Variants in LAMC1 observed in about 807,000 individuals in gnomAD.
LAMC1 encodes laminin subunit gamma 1.
LAMC1 carries 38 observed loss-of-function variants against 173.6 expected under a neutral mutation model. The ratio of observed to expected loss-of-function variants is 0.22; its 90% CI spans 0.17 to 0.29. LAMC1 has a LOEUF of 0.29. Ranked by LOEUF, LAMC1 falls within the 10% of genes least tolerant of loss-of-function variation. LAMC1 has a pLI of 1.00. For missense variants in LAMC1, 1,824 were observed against 2,051.8 expected (o/e 0.89, Z 2.14); for synonymous variants, 746 against 749.1 (o/e 1.00, Z 0.07).
intron 1 of LAMC1, among the ~76,000 whole-genome samples, chr1:183,043,686 T>TA (rs1462678456): frequency 6.6e-6 from 1 of 152,196 alleles, no homozygotes; most frequent in African/African-American, 2.4e-5. Context: ...TGAATTCTGA[T>TA]AAAAAGTGAC....
rs759061054 is a variant in LAMC1, at chr1:183,116,687, T to G, written c.1427+12T>G. The G allele has an allele frequency of 6.2e-7, 1 of 1,609,768 alleles. No individual in the cohort carries two copies. The highest frequency in any genetic ancestry group is 8.5e-7 in the Non-Finnish European group (1 of 1,176,116). ...TTCAATTGTGAAAGGTAGTGCATTC[T>G]TTCTCTAGCTGCATTGTGTTTTCTG... On this transcript the variant is annotated intron_variant, in intron 7 of 27. Coordinates refer to ENST00000258341, the MANE Select transcript of LAMC1 (RefSeq NM_002293.4).
rs10797835 is a variant in LAMC1, at chr1:183,103,773, T to C, written c.723+141T>C. On this transcript the variant is annotated intron_variant, in intron 2 of 27. Transcript: ENST00000258341. ...ACTTGAGCAACACAGACAGAGAGCT[T>C]GATTCTGCTCTCTGTGTACTATTAA... 0.54 allele frequency: 324,482 copies of C among 596,938 alleles called. 90,317 individuals are homozygous for C. Among genetic ancestry groups the C allele is most frequent in the Admixed American group, 0.63 (18,247 of 29,002 alleles). 37.0% of individuals were successfully genotyped at this position (596,938 alleles called of 1,614,324 possible).
chr1:183,034,995 A>G (rs888505820), intron 1 of LAMC1, among the ~76,000 whole-genome samples: 2 of 152,134 alleles, frequency 1.3e-5, no homozygotes, highest in African/African-American at 4.8e-5. Context: ...TGTTTTTGCC[A>G]CTCTGCCATT....
At chr1:183,081,573 T>C (rs1278337454) in intron 1 of LAMC1, among the ~76,000 whole-genome samples, 3 of 150,048 alleles carry the variant, frequency 2.0e-5, no homozygotes, top group Admixed American at 6.7e-5. Context: ...AATAAATAAA[T>C]AAATAAATAA....
chr1:183,126,506 C>G (rs909401709), intron 16 of LAMC1, among the ~76,000 whole-genome samples: 1 of 152,168 alleles, frequency 6.6e-6, no homozygotes, highest in Non-Finnish European at 1.5e-5. Flanking sequence ...TTTTTCCAAT[C>G]TTTTATTTTT....
intron 1 of LAMC1, among the ~76,000 whole-genome samples, chr1:183,025,802 A>G (rs936591529): frequency 7.2e-5 from 11 of 152,252 alleles, no homozygotes. Context: ...CTGAAATTCA[A>G]TTGACAATTA....
intron 1 of LAMC1, among the ~76,000 whole-genome samples, chr1:183,073,312 C>T (rs1655056045): frequency 6.6e-6 from 1 of 152,056 alleles, no homozygotes; most frequent in African/African-American, 2.4e-5. Context: ...TGGATGTAAA[C>T]CTAGGAGAAG....
At chr1:183,137,641 A>G (rs746322609) in intron 25 of LAMC1, 28 bp from the exon 26 acceptor site, 3 of 1,496,384 alleles carry the variant, frequency 2.0e-6, no homozygotes, top group Admixed American at 2.4e-5. Context: ...GCTTTTTTAA[A>G]AAAAGTACAA....
chr1:183,101,930 C>G (rs1340802444), intron 1 of LAMC1, among the ~76,000 whole-genome samples: 5 of 152,194 alleles, frequency 3.3e-5, no homozygotes, highest in African/African-American at 1.2e-4. Context: ...AGAGAACGCT[C>G]AGTTGAAGAA....
chr1:183,135,302 C>T (rs1374446635), intron 24 of LAMC1, 146 bp downstream of exon 24: 2 of 625,376 alleles, frequency 3.2e-6, no homozygotes, highest in South Asian at 2.0e-5. Flanking sequence ...AATCCCAGAG[C>T]TCCTGTCATT....
At chr1:183,135,323 A>G (rs1031327231) in intron 24 of LAMC1, among the ~76,000 whole-genome samples, 167 bp downstream of exon 24, 10 of 152,180 alleles carry the variant, frequency 6.6e-5, no homozygotes, top group Admixed American at 1.3e-4. Context: ...TTATCCCTGC[A>G]TACTTCAGTA....
intron 22 of LAMC1, 151 bp from the exon 23 acceptor site, chr1:183,134,509 C>T: frequency 3.5e-6 from 2 of 569,352 alleles, no homozygotes; most frequent in East Asian, 5.9e-5. Context: ...TAAAGTATAT[C>T]TCATTTTTTA....
At chr1:183,068,743 C>A (rs1308134639) in intron 1 of LAMC1, among the ~76,000 whole-genome samples, 1 of 152,100 alleles carries the variant, frequency 6.6e-6, no homozygotes, top group Non-Finnish European at 1.5e-5. Context: ...GAGATTGAGA[C>A]CATCCTGGCT....
intron 1 of LAMC1, among the ~76,000 whole-genome samples, chr1:183,091,374 G>C (rs777963409): frequency 6.6e-6 from 1 of 152,058 alleles, no homozygotes; most frequent in Admixed American, 6.6e-5. Flanking sequence ...GATAAACAGT[G>C]TAAAGCATTG....
intron 11 of LAMC1, 32 bp downstream of exon 11, chr1:183,118,178 T>C: frequency 8.1e-7 from 1 of 1,240,646 alleles, no homozygotes; most frequent in Non-Finnish European, 1.2e-6. Flanking sequence ...GAGAGTTGTT[T>C]AAAAAGATGA....
At position 183,136,395 on chromosome 1, in the gene LAMC1, G is replaced by T. The variant is rs747294068; in HGVS notation, c.4124G>T (p.Arg1375Met). Residue 1375 changes from arginine to methionine, a missense_variant, in exon 25 of 28, where the codon AGG becomes ATG. Transcript: ENST00000258341. ...CTTGAACTTGTTTCAGATTTTGATAGGCGTGTGAACGATAACAAGACGGCC... is the reference window on the plus strand; with the variant it reads ...CTTGAACTTGTTTCAGATTTTGATATGCGTGTGAACGATAACAAGACGGCC... ...DILNNLKDFDRRVNDNKTAAE... is the reference protein window; with the variant it reads ...DILNNLKDFDMRVNDNKTAAE... The T allele has an allele frequency of 5.6e-6, 9 of 1,614,076 alleles. No homozygotes were observed. Among genetic ancestry groups the T allele is most frequent in the Non-Finnish European group, 5.9e-6 (7 of 1,179,958 alleles).
chr1:183,095,109 T>C (rs972153870), intron 1 of LAMC1, among the ~76,000 whole-genome samples: 1 of 152,176 alleles, frequency 6.6e-6, no homozygotes, highest in African/African-American at 2.4e-5. Context: ...CCTCCCAAAG[T>C]GCTGGGACTA....
chr1:183,097,776 G>A (rs951398642), intron 1 of LAMC1, among the ~76,000 whole-genome samples: 1 of 152,166 alleles, frequency 6.6e-6, no homozygotes, highest in Non-Finnish European at 1.5e-5. Context: ...AGCATGAACT[G>A]TAGGATCTAG....
chr1:183,068,927 C>T (rs548879002), intron 1 of LAMC1, among the ~76,000 whole-genome samples: 4 of 151,686 alleles, frequency 2.6e-5, no homozygotes, highest in South Asian at 2.1e-4. Context: ...GGCAACAGAG[C>T]GAGACTCCAT....
Sources: gnomAD v4.1 joint callset for allele counts (sites outside exome capture counted in the v4.1 genomes callset) on GRCh38, gnomAD v4.1.1 for gene constraint, MANE v1.5 for transcripts, NCBI Gene and HGNC (gene_info 2026-07-23, HGNC 2026-07-21) for gene names.